Variants in NFIC observed in about 807,000 individuals in gnomAD.
NFIC encodes nuclear factor 1 C-type.
NFIC carries 12 observed loss-of-function variants against 54.4 expected under a neutral mutation model. The ratio of observed to expected loss-of-function variants is 0.22; its 90% CI spans 0.14 to 0.36. The LOEUF (loss-of-function observed/expected upper bound fraction) is 0.36, where lower values mean the gene tolerates loss of function less well. Ranked by LOEUF, NFIC falls within the 10% of genes least tolerant of loss-of-function variation. The pLI, the probability that NFIC is intolerant of heterozygous loss-of-function variation, is 1.00. For synonymous variants in NFIC, 322 were observed against 319.2 expected (o/e 1.01, Z -0.09); for missense variants, 575 against 718.2 (o/e 0.80, Z 2.28).
chr19:3,409,191 A>G (rs553549270), intron 2 of NFIC, among the ~76,000 whole-genome samples: 2 of 152,204 alleles, frequency 1.3e-5, no homozygotes, highest in South Asian at 2.1e-4. Flanking sequence ...ACCACGCTGC[A>G]GCCTGGGGTC....
chr19:3,447,785 C>T (rs2082394991), intron 6 of NFIC, among the ~76,000 whole-genome samples: 1 of 152,246 alleles, frequency 6.6e-6, no homozygotes, highest in South Asian at 2.1e-4. Context: ...GAACCCTGGA[C>T]CACCTGCTTC....
chr19:3,450,638 G>C (rs1034221787), intron 7 of NFIC, among the ~76,000 whole-genome samples: 1 of 151,976 alleles, frequency 6.6e-6, no homozygotes, highest in Non-Finnish European at 1.5e-5. Flanking sequence ...CTGGGCAACA[G>C]AGCAAGACTC....
chr19:3,368,775 C>T lies in NFIC; in HGVS notation c.30+2109C>T, dbSNP rs569243110. ...GGTGGGCTGGGGGACTCAGAAGGAC[C>T]CTGAGTGCCCCATGCAGGAGCCTCC... On this transcript the variant is annotated intron_variant, in intron 1 of 10. Coordinates refer to ENST00000443272, the MANE Select transcript of NFIC (RefSeq NM_001245002.2). Among the ~76,000 whole-genome samples the T allele has an allele frequency of 3.3e-5, 5 of 152,330 alleles. No homozygotes were observed. In the South Asian group the frequency reaches 1.0e-3, roughly 32 times the overall value.
chr19:3,441,202 C>T (rs949403523), intron 6 of NFIC, among the ~76,000 whole-genome samples: 1 of 152,226 alleles, frequency 6.6e-6, no homozygotes, highest in South Asian at 2.1e-4. Flanking sequence ...AGAGGGAAAC[C>T]CTGAGGCTCA....
At chr19:3,448,399 G>A (rs976603075) in intron 6 of NFIC, among the ~76,000 whole-genome samples, 4 of 152,164 alleles carry the variant, frequency 2.6e-5, no homozygotes, top group Non-Finnish European at 5.9e-5. Context: ...TTGATTCACT[G>A]AGGAAGGTGT....
chr19:3,418,511 G>A (rs2081903257), intron 2 of NFIC, among the ~76,000 whole-genome samples: 1 of 152,210 alleles, frequency 6.6e-6, no homozygotes, highest in African/African-American at 2.4e-5. Context: ...TGGAAGAATG[G>A]TCAGCAGGTG....
At chr19:3,451,977 C>T (rs2082470750) in intron 7 of NFIC, among the ~76,000 whole-genome samples, 1 of 151,878 alleles carries the variant, frequency 6.6e-6, no homozygotes, top group African/African-American at 2.4e-5. Flanking sequence ...GTTAGCCAGG[C>T]ATGGCGGCGT....
chr19:3,454,668 G>A (rs913375620), intron 9 of NFIC, among the ~76,000 whole-genome samples: 3 of 150,688 alleles, frequency 2.0e-5, no homozygotes, highest in Admixed American at 1.3e-4. Context: ...CTCACAGGGC[G>A]CCAGACATCT....
chr19:3,411,590 G>C (rs1329662555), intron 2 of NFIC, among the ~76,000 whole-genome samples: 1 of 149,430 alleles, frequency 6.7e-6, no homozygotes, highest in East Asian at 2.0e-4. Flanking sequence ...GGCCTCTGGG[G>C]ATTACAGGTG....
intron 3 of NFIC, among the ~76,000 whole-genome samples, chr19:3,432,648 G>A (rs1293216539): frequency 6.6e-6 from 1 of 150,842 alleles, no homozygotes; most frequent in East Asian, 2.0e-4. Context: ...GCCGATGTGA[G>A]CCCAGGCCTC....
rs1337189571 is a variant in NFIC at position 3,368,503 on chromosome 19, G to A, written c.30+1837G>A. Among the ~76,000 whole-genome samples the A allele has an allele frequency of 4.6e-5, 7 of 152,308 alleles. No individual in the cohort carries two copies. In the East Asian group the frequency reaches 9.7e-4, roughly 21 times the overall value. ...ACTAAAAACTATCCAGGGGTGCTGC[G>A]TGCAAGAGACAGAGATGAGAAGACA... On this transcript the variant is annotated intron_variant, in intron 1 of 10. Coordinates refer to ENST00000443272, the MANE Select transcript of NFIC (RefSeq NM_001245002.2).
chr19:3,435,304 A>G, intron 6 of NFIC, 97 bp downstream of exon 6: 3 of 1,429,896 alleles, frequency 2.1e-6, no homozygotes, highest in Non-Finnish European at 2.8e-6. Context: ...GCCGCGGGGC[A>G]GGAAGCCGGC....
intron 2 of NFIC, among the ~76,000 whole-genome samples, chr19:3,391,109 G>A (rs546297618): frequency 5.3e-5 from 8 of 151,998 alleles, no homozygotes; most frequent in African/African-American, 1.9e-4. Flanking sequence ...AATTATCTGG[G>A]TGTGGTTGCA....
chr19:3,377,092 G>C (rs1196961103), intron 1 of NFIC, among the ~76,000 whole-genome samples: 1 of 151,186 alleles, frequency 6.6e-6, no homozygotes, highest in Non-Finnish European at 1.5e-5. Flanking sequence ...ACTTTGGGAG[G>C]CCGAGGCAGG....
At chr19:3,406,861 G>A (rs1445869624) in intron 2 of NFIC, among the ~76,000 whole-genome samples, 1 of 152,192 alleles carries the variant, frequency 6.6e-6, no homozygotes, top group African/African-American at 2.4e-5. Context: ...AAGCGAGAGA[G>A]TGAGCCAGGC....
At chr19:3,437,207 A>G (rs2082216868) in intron 6 of NFIC, among the ~76,000 whole-genome samples, 1 of 151,974 alleles carries the variant, frequency 6.6e-6, no homozygotes, top group South Asian at 2.1e-4. Flanking sequence ...CTCTACTAAA[A>G]ATACAAAAAA....
chr19:3,437,712 G>A (rs1376026635), intron 6 of NFIC, among the ~76,000 whole-genome samples: 4 of 149,016 alleles, frequency 2.7e-5, no homozygotes, highest in Admixed American at 6.7e-5. Context: ...TTTTTGAGAC[G>A]GAGTTTCGCT....
In NFIC at chr19:3,369,929, T is replaced by C. The variant is rs1262376305; in HGVS notation, c.30+3263T>C. 6.6e-6 allele frequency among the ~76,000 whole-genome samples: 1 copy of C among 152,214 alleles called. No homozygotes were observed. The highest frequency in any genetic ancestry group is 1.5e-5 in the Non-Finnish European group (1 of 68,026). ...CATGCCCTCTCGGAGCACAATGTGC[T>C]TTGCTGCCATTTCTCCAGCAGGGTA... On this transcript the variant is annotated intron_variant, in intron 1 of 10. Transcript: ENST00000443272. The surrounding 1 kb of genome is among the most constrained non-coding windows in gnomAD (Gnocchi z 4.3).
At chr19:3,363,269 A>ATAT (rs1453872431), upstream of NFIC, among the ~76,000 whole-genome samples, 16 of 36,686 alleles carry the variant, frequency 4.4e-4, no homozygotes, top group South Asian at 2.6e-3. Context: ...ATATATATAT[A>ATAT]TTTTTTTTTT....
Sources: gnomAD v4.1 joint callset for allele counts (sites outside exome capture counted in the v4.1 genomes callset) on GRCh38, gnomAD v4.1.1 for gene constraint, Gnocchi (gnomAD v3.1) non-coding constraint, MANE v1.5 for transcripts, NCBI Gene and HGNC (gene_info 2026-07-23, HGNC 2026-07-21) for gene names.